RASSF5: variants seen among roughly 807,000 people sequenced by gnomAD.
RASSF5 encodes the protein Ras association domain family member 5, also known as ras association domain-containing protein 5.
A neutral mutation model predicts 40.5 loss-of-function variants in RASSF5; 25 were observed. The observed-to-expected ratio is 0.62, with a 90% CI of 0.45 to 0.86. RASSF5 has a LOEUF of 0.86. Ranked by LOEUF, RASSF5 falls within the 40% of genes least tolerant of loss-of-function variation. RASSF5 has a pLI of 0.00. For synonymous variants in RASSF5, 246 were observed against 252.4 expected (o/e 0.97, Z 0.24); for missense variants, 521 against 572.8 (o/e 0.91, Z 0.92).
At chr1:206,577,372 G>C (rs184062432) in intron 2 of RASSF5, among the ~76,000 whole-genome samples, 1 of 152,118 alleles carries the variant, frequency 6.6e-6, no homozygotes, top group Non-Finnish European at 1.5e-5. Flanking sequence ...TGCTTTCCTG[G>C]GATGATAGTC....
chr1:206,548,323 G>A (rs1224862879), intron 2 of RASSF5, among the ~76,000 whole-genome samples: 3 of 152,304 alleles, frequency 2.0e-5, no homozygotes, highest in African/African-American at 7.2e-5. Context: ...AGGACCTCAG[G>A]AGGCTTTACT....
At chr1:206,548,618 G>A (rs1667756842) in intron 2 of RASSF5, among the ~76,000 whole-genome samples, 1 of 152,154 alleles carries the variant, frequency 6.6e-6, no homozygotes. Context: ...TGAGCAATTG[G>A]TTACAATGTG....
chr1:206,509,421 G>A (rs577542520), intron 1 of RASSF5, among the ~76,000 whole-genome samples: 1 of 152,360 alleles, frequency 6.6e-6, no homozygotes, highest in South Asian at 2.1e-4. Flanking sequence ...TAAGAAGGAA[G>A]GAGTAAAGGT....
chr1:206,524,663 T>TATATATTATATATAATATATATTTA (rs1363018910), intron 1 of RASSF5, among the ~76,000 whole-genome samples: 1 of 133,148 alleles, frequency 7.5e-6, no homozygotes, highest in Non-Finnish European at 1.6e-5. Context: ...TTATGTATAA[T>TATATATTATATATAATATATATTTA]ATATATTATA....
intron 2 of RASSF5, among the ~76,000 whole-genome samples, chr1:206,554,199 C>T (rs782706484): frequency 6.6e-6 from 1 of 152,136 alleles, no homozygotes; most frequent in Non-Finnish European, 1.5e-5. Context: ...AATCTGATCT[C>T]CACTGCTGCT....
chr1:206,512,451 T>C (rs1245743968), intron 1 of RASSF5, among the ~76,000 whole-genome samples: 1 of 152,172 alleles, frequency 6.6e-6, no homozygotes, highest in Non-Finnish European at 1.5e-5. Context: ...CCAGGTACAG[T>C]CAAAAATGAT....
intron 2 of RASSF5, among the ~76,000 whole-genome samples, chr1:206,547,292 G>A (rs1450960669): frequency 6.6e-6 from 1 of 152,080 alleles, no homozygotes; most frequent in African/African-American, 2.4e-5. Flanking sequence ...TGCATAGCAG[G>A]AGGTGAGCAG....
At chr1:206,545,820 C>G (rs911386811) in intron 2 of RASSF5, among the ~76,000 whole-genome samples, 91 of 151,848 alleles carry the variant, frequency 6.0e-4, no homozygotes, top group African/African-American at 2.2e-3. Context: ...GGCTATGAGT[C>G]TCTTTATATT....
intron 1 of RASSF5, among the ~76,000 whole-genome samples, chr1:206,510,343 G>A (rs1193247123): frequency 1.3e-5 from 2 of 152,026 alleles, no homozygotes; most frequent in Non-Finnish European, 1.5e-5. Context: ...TAGTCCCCAC[G>A]TGAGTCCTGG....
At chr1:206,555,215 G>A (rs1553401580) in intron 2 of RASSF5, among the ~76,000 whole-genome samples, 1 of 152,194 alleles carries the variant, frequency 6.6e-6, no homozygotes, top group Non-Finnish European at 1.5e-5. Context: ...GGCATCTGGT[G>A]TGCTGCTTCT....
intron 2 of RASSF5, among the ~76,000 whole-genome samples, chr1:206,561,657 CTTTTTCT>C (rs1177938873): frequency 7.3e-6 from 1 of 136,120 alleles, no homozygotes. Flanking sequence ...AAATATTTTT[CTTTTTCT>C]TTTTTTTTTT....
At chr1:206,566,363 G>A (rs1362197702) in intron 2 of RASSF5, among the ~76,000 whole-genome samples, 2 of 152,122 alleles carry the variant, frequency 1.3e-5, no homozygotes, top group African/African-American at 2.4e-5. Flanking sequence ...AATTCAGGCC[G>A]TTTTTTCCTG....
chr1:206,578,352 C>A (rs543745622), intron 2 of RASSF5, among the ~76,000 whole-genome samples: 113 of 152,090 alleles, frequency 7.4e-4, no homozygotes, highest in African/African-American at 2.5e-3. Context: ...CTTTCCTTGA[C>A]TGTAAAATGA....
rs568933610 is a variant in RASSF5, at chr1:206,548,846, C to T, written c.579+10553C>T. Among the ~76,000 whole-genome samples, 69 of 152,142 alleles carry T rather than the reference C, an allele frequency of 4.5e-4. No individual in the cohort carries two copies. In the South Asian group the frequency reaches 4.6e-3, roughly 10 times the overall value. Reference sequence around the variant, plus strand: ...CTGTTCATTTAAAAAATTCTCTTTTCTTTCTGTGGTTCATTTTGTTTTGTT... The same window carrying T: ...CTGTTCATTTAAAAAATTCTCTTTTTTTTCTGTGGTTCATTTTGTTTTGTT... On this transcript the variant is annotated intron_variant, in intron 2 of 5. Transcript: ENST00000579436.
intron 2 of RASSF5, among the ~76,000 whole-genome samples, chr1:206,568,547 C>G (rs983238317): frequency 6.6e-6 from 1 of 152,090 alleles, no homozygotes; most frequent in Non-Finnish European, 1.5e-5. Context: ...GGAGACCACT[C>G]GGCTCCCACA....
chr1:206,583,658 C>T (rs184006153), intron 3 of RASSF5: 11 of 407,690 alleles, frequency 2.7e-5, no homozygotes, highest in South Asian at 4.4e-5. Flanking sequence ...AGTGATTAAA[C>T]GGTACGTAAT....
Position 206,524,589 on chromosome 1 carries a change from T to A in RASSF5, c.458-13583T>A, listed in dbSNP as rs549016042. ...TTATGTATAATATATAAAATATATA[T>A]TATATATTATGTATAATATATAAAA... On this transcript the variant is annotated intron_variant, in intron 1 of 5. Coordinates refer to ENST00000579436, the MANE Select transcript of RASSF5 (RefSeq NM_182663.4). 3.1e-3 allele frequency among the ~76,000 whole-genome samples: 383 copies of A among 123,532 alleles called. 4 individuals are homozygous for A. The highest frequency in any genetic ancestry group is 0.01 in the African/African-American group (306 of 30,072). The allele number at this position is 123,532 out of a possible 152,430, so 81.0% of individuals were successfully genotyped here. A position where few individuals can be genotyped will look rare whatever the true frequency, so the allele number is the denominator to read the frequency against.
chr1:206,564,798 A>G (rs1222962327), intron 2 of RASSF5, among the ~76,000 whole-genome samples: 2 of 152,172 alleles, frequency 1.3e-5, no homozygotes, highest in Admixed American at 1.3e-4. Context: ...TTTTCCAGAG[A>G]CAAGAGGATG....
At chr1:206,577,560 G>A (rs1668699484) in intron 2 of RASSF5, among the ~76,000 whole-genome samples, 1 of 152,228 alleles carries the variant, frequency 6.6e-6, no homozygotes, top group South Asian at 2.1e-4. Context: ...CATGTAGTTA[G>A]TCATGGGAGT....
Sources: allele counts gnomAD v4.1 joint callset (sites outside exome capture counted in the v4.1 genomes callset), GRCh38; gene constraint gnomAD v4.1.1; transcripts MANE v1.5; gene names NCBI Gene and HGNC (gene_info 2026-07-23, HGNC 2026-07-21).